The following HTR4 variants were observed in gnomAD, a reference collection of about 807,000 sequenced individuals.
HTR4 encodes the protein 5-hydroxytryptamine (serotonin) receptor 4, G protein-coupled.
In HTR4, 16 loss-of-function variants were observed where a neutral mutation model predicts 36.8. That is an observed-to-expected ratio of 0.43 (90% confidence interval 0.29 to 0.66). The LOEUF (loss-of-function observed/expected upper bound fraction) is 0.66, where lower values mean the gene tolerates loss of function less well. HTR4 is among the 30% of genes least tolerant of loss of function. The pLI is 0.13. For missense variants in HTR4, 438 were observed against 490.9 expected (o/e 0.89, Z 1.02); for synonymous variants, 189 against 185.1 (o/e 1.02, Z -0.17).
chr5:148,457,801 A>G (rs1755137993), intron 5 of HTR4, among the ~76,000 whole-genome samples: 2 of 130,264 alleles, frequency 1.5e-5, no homozygotes, highest in African/African-American at 3.0e-5. Flanking sequence ...TCATTAAAAT[A>G]TCATATATTT....
intron 6 of HTR4, chr5:148,509,174 T>A (rs1757370146): frequency 2.9e-6 from 1 of 349,732 alleles, no homozygotes; most frequent in South Asian, 6.0e-5. Flanking sequence ...GTGATTATTA[T>A]CTTAAGTTTT....
At position 148,523,292 on chromosome 5, in the gene HTR4, C is replaced by T. The variant is rs1758111101; in HGVS notation, c.408G>A (p.Leu136=). Residue 136 remains leucine (L), a synonymous_variant, in exon 5 of 7, where the codon CTG becomes CTA. Coordinates refer to ENST00000377888, the MANE Select transcript of HTR4 (RefSeq NM_000870.7). The part of the protein sequence containing the change: ...PLVYRNKMTP[L]RIALMLGGCW... ...AGCCTCCCAGCATTAATGCGATGCG[C>T]AGAGGGGTCATCTTGTTCCTATAGA... 5 of 1,613,154 alleles carry T rather than the reference C, an allele frequency of 3.1e-6. No homozygotes were observed. The South Asian group carries it at 3.3e-5, about 11-fold the overall frequency.
intron 6 of HTR4, among the ~76,000 whole-genome samples, chr5:148,493,985 G>A (rs1756571618): frequency 6.6e-6 from 1 of 152,186 alleles, no homozygotes; most frequent in Admixed American, 6.5e-5. Context: ...AACCTCTGAG[G>A]ATCCAAAGTA....
chr5:148,623,800 AAAAT>A (rs535369303), intron 2 of HTR4, among the ~76,000 whole-genome samples: 2 of 152,272 alleles, frequency 1.3e-5, no homozygotes, highest in Admixed American at 6.5e-5. Flanking sequence ...GAGGATGGCA[AAAAT>A]AAATAAATAA....
chr5:148,619,401 AT>A (rs950491518), intron 2 of HTR4, among the ~76,000 whole-genome samples: 11 of 152,152 alleles, frequency 7.2e-5, no homozygotes, highest in African/African-American at 2.4e-4. Context: ...AGATAAATAT[AT>A]TTTTTTCTGA....
At chr5:148,492,213 G>T (rs1198646747) in intron 6 of HTR4, among the ~76,000 whole-genome samples, 1 of 152,162 alleles carries the variant, frequency 6.6e-6, no homozygotes, top group East Asian at 1.9e-4. Context: ...GGAGCAAAAG[G>T]GGGAAAACAA....
intron 5 of HTR4, chr5:148,451,304 C>A: frequency 6.2e-7 from 1 of 1,613,056 alleles, no homozygotes; most frequent in South Asian, 1.1e-5. Context: ...CATGAGAATT[C>A]AACAGGCATG....
At chr5:148,455,718 T>G (rs1755086112) in intron 5 of HTR4, among the ~76,000 whole-genome samples, 1 of 152,210 alleles carries the variant, frequency 6.6e-6, no homozygotes, top group African/African-American at 2.4e-5. Context: ...CCCCCAAAAC[T>G]TAAATACTGG....
chr5:148,528,082 G>A (rs1303728671), intron 4 of HTR4, among the ~76,000 whole-genome samples: 2 of 152,110 alleles, frequency 1.3e-5, no homozygotes, highest in Non-Finnish European at 2.9e-5. Context: ...GTTAGGCAAG[G>A]GTGGGAAGAA....
At chr5:148,476,608 T>G, downstream of HTR4, 1 of 1,528,156 alleles carries the variant, frequency 6.5e-7, no homozygotes, top group South Asian at 1.3e-5. Context: ...GCCGTAACAA[T>G]GAAAAGCTTC....
intron 6 of HTR4, among the ~76,000 whole-genome samples, chr5:148,489,325 G>T (rs1035504363): frequency 1.3e-5 from 2 of 152,130 alleles, no homozygotes; most frequent in Non-Finnish European, 2.9e-5. Flanking sequence ...GAGTGGTGGG[G>T]TCAGGATCTG....
chr5:148,469,390 G>A (rs746063293), intron 5 of HTR4, among the ~76,000 whole-genome samples: 24 of 152,176 alleles, frequency 1.6e-4, no homozygotes, highest in Non-Finnish European at 2.9e-4. Context: ...GTGCTTAAAT[G>A]AGTCTTGCCA....
chr5:148,514,279 T>C (rs975166144), intron 5 of HTR4, among the ~76,000 whole-genome samples: 2 of 152,268 alleles, frequency 1.3e-5, no homozygotes, highest in Admixed American at 6.5e-5. Flanking sequence ...CTACATTCTA[T>C]TCTTGGTTTG....
At chr5:148,586,477 T>A (rs1340995268) in intron 2 of HTR4, among the ~76,000 whole-genome samples, 1 of 152,018 alleles carries the variant, frequency 6.6e-6, no homozygotes, top group African/African-American at 2.4e-5. Context: ...AGGCACTTCT[T>A]ACATGGCGGC....
chr5:148,585,152 A>T (rs1307841226), intron 2 of HTR4, among the ~76,000 whole-genome samples: 1 of 152,198 alleles, frequency 6.6e-6, no homozygotes, highest in Non-Finnish European at 1.5e-5. Context: ...ACATTAAATA[A>T]AAGAATGCAT....
Position 148,481,682 on chromosome 5 carries a change from A to G in HTR4, c.*1521T>C. 1 of 1,481,896 alleles carries G rather than the reference A, an allele frequency of 6.7e-7. No individual in the cohort carries two copies. The highest frequency in any genetic ancestry group is 8.9e-7 in the Non-Finnish European group (1 of 1,129,812). 91.8% of individuals were successfully genotyped at this position (1,481,896 alleles called of 1,614,324 possible). Reference sequence around the variant, plus strand: ...ACTGACACCTTATAAGCAATAAGAAAAAAAGAGAATATGATAAATAATCCT... The same window carrying G: ...ACTGACACCTTATAAGCAATAAGAAGAAAAGAGAATATGATAAATAATCCT... On this transcript the variant is annotated 3_prime_UTR_variant, in exon 7 of 7. Coordinates refer to ENST00000377888, the MANE Select transcript of HTR4 (RefSeq NM_000870.7).
intron 5 of HTR4, among the ~76,000 whole-genome samples, chr5:148,457,994 A>T (rs1366089101): frequency 7.2e-6 from 1 of 138,552 alleles, no homozygotes; most frequent in Non-Finnish European, 1.5e-5. Context: ...TATATTTAAT[A>T]TATCTTAAGA....
chr5:148,473,320 G>T (rs986427334), downstream of HTR4, among the ~76,000 whole-genome samples: 4 of 137,506 alleles, frequency 2.9e-5, no homozygotes, highest in Non-Finnish European at 6.1e-5. Flanking sequence ...AAAAAAAAAA[G>T]AGGTAGAAGA....
intron 6 of HTR4, among the ~76,000 whole-genome samples, chr5:148,501,860 C>G (rs996385143): frequency 6.6e-6 from 1 of 151,982 alleles, no homozygotes; most frequent in African/African-American, 2.4e-5. Flanking sequence ...GAGATCGAGA[C>G]CATCCTGGCT....
Sources: allele counts gnomAD v4.1 joint callset (sites outside exome capture counted in the v4.1 genomes callset), GRCh38; gene constraint gnomAD v4.1.1; transcripts MANE v1.5; gene names NCBI Gene and HGNC (gene_info 2026-07-23, HGNC 2026-07-21).